HEMK2: variants seen among roughly 807,000 people sequenced by gnomAD.
The protein encoded by HEMK2 is HemK methyltransferase 2, ETF1 glutamine and histone H4 lysine.
chr21:28,780,074 T>C, the HEMK2 span, among the ~76,000 whole-genome samples: 1 of 152,196 alleles, frequency 6.6e-6, no homozygotes, highest in Non-Finnish European at 1.5e-5. Context: ...AAAGACTGGA[T>C]TCCCATTGCA....
chr21:28,620,652 TCTC>T, the HEMK2 span, among the ~76,000 whole-genome samples: 6 of 139,266 alleles, frequency 4.3e-5, no homozygotes, highest in Non-Finnish European at 7.6e-5. Context: ...GTGATTCTTC[TCTC>T]TTTTCTTTTT....
the HEMK2 span, among the ~76,000 whole-genome samples, chr21:28,821,836 G>T: frequency 2.6e-5 from 4 of 152,160 alleles, no homozygotes; most frequent in African/African-American, 4.8e-5. Context: ...TAATTTAGAA[G>T]GTTTTTTTAC....
chr21:28,695,513 C>T, the HEMK2 span, among the ~76,000 whole-genome samples: 1 of 152,160 alleles, frequency 6.6e-6, no homozygotes, highest in Non-Finnish European at 1.5e-5. Flanking sequence ...TCATGTCTTA[C>T]ATGGAAGCAG....
the HEMK2 span, among the ~76,000 whole-genome samples, chr21:28,783,167 A>G: frequency 7.2e-5 from 11 of 152,146 alleles, no homozygotes; most frequent in Non-Finnish European, 1.5e-4. Context: ...TTTCTTAAAC[A>G]CCTTATACGC....
the HEMK2 span, among the ~76,000 whole-genome samples, chr21:28,627,310 GT>G: frequency 1.3e-5 from 2 of 152,172 alleles, no homozygotes; most frequent in Non-Finnish European, 2.9e-5. Flanking sequence ...GCATACATTT[GT>G]CAAAACTTAC....
chr21:28,742,656 A>C, the HEMK2 span, among the ~76,000 whole-genome samples: 1 of 152,094 alleles, frequency 6.6e-6, no homozygotes, highest in Non-Finnish European at 1.5e-5. Flanking sequence ...TAAAGATTCC[A>C]ATAACTTGCC....
chr21:28,878,292 T>G, the HEMK2 span: 2 of 1,613,090 alleles, frequency 1.2e-6, no homozygotes, highest in African/African-American at 2.7e-5. Flanking sequence ...CCCGACCATT[T>G]CTGCCACCAG....
chr21:28,843,302 C>A, the HEMK2 span, among the ~76,000 whole-genome samples: 1 of 152,188 alleles, frequency 6.6e-6, no homozygotes, highest in East Asian at 1.9e-4. Flanking sequence ...AGGAAACTTA[C>A]AATCATGGCA....
At chr21:28,707,754 G>A in the HEMK2 span, among the ~76,000 whole-genome samples, 7 of 151,882 alleles carry the variant, frequency 4.6e-5, no homozygotes, top group African/African-American at 1.7e-4. Context: ...TAAGTCAAAT[G>A]TATTCATTAA....
the HEMK2 span, among the ~76,000 whole-genome samples, chr21:28,675,857 T>C: frequency 1.3e-5 from 2 of 152,222 alleles, no homozygotes; most frequent in African/African-American, 4.8e-5. Flanking sequence ...ATGTTGCATC[T>C]GTGTTAGCTC....
the HEMK2 span, among the ~76,000 whole-genome samples, chr21:28,806,236 C>G: frequency 1.3e-5 from 2 of 152,150 alleles, no homozygotes; most frequent in African/African-American, 4.8e-5. Flanking sequence ...GTTGTCACGA[C>G]AGATAATTAT....
At chr21:28,590,631 A>G in the HEMK2 span, among the ~76,000 whole-genome samples, 4 of 152,342 alleles carry the variant, frequency 2.6e-5, no homozygotes, top group South Asian at 8.3e-4. Flanking sequence ...TTAAATTGTT[A>G]AAGATTTGTG....
At chr21:28,683,610 G>T in the HEMK2 span, among the ~76,000 whole-genome samples, 1 of 152,096 alleles carries the variant, frequency 6.6e-6, no homozygotes, top group Non-Finnish European at 1.5e-5. Context: ...ACATTGTGAT[G>T]ATGCACGTTC....
chr21:28,603,547 A>ATGTG, the HEMK2 span, among the ~76,000 whole-genome samples: 37 of 80,836 alleles, frequency 4.6e-4, no homozygotes, highest in South Asian at 8.7e-4. Flanking sequence ...CTGAGGATAT[A>ATGTG]TATGTGTGTG....
At chr21:28,863,001 C>G in the HEMK2 span, among the ~76,000 whole-genome samples, 9 of 151,996 alleles carry the variant, frequency 5.9e-5, no homozygotes, top group Non-Finnish European at 4.4e-5. Flanking sequence ...TGTATAGGCT[C>G]AAGTTGACAA....
chr21:28,781,411 G>A, the HEMK2 span, among the ~76,000 whole-genome samples: 3 of 152,078 alleles, frequency 2.0e-5, no homozygotes, highest in African/African-American at 7.2e-5. Context: ...ATGACGCCAT[G>A]CCAGAGTTCC....
At chr21:28,789,818 ACTGATAGCTC>A in the HEMK2 span, among the ~76,000 whole-genome samples, 1 of 152,222 alleles carries the variant, frequency 6.6e-6, no homozygotes, top group Admixed American at 6.5e-5. Flanking sequence ...AGGGCTAGTA[ACTGATAGCTC>A]CTGAGCAACT....
the HEMK2 span, among the ~76,000 whole-genome samples, chr21:28,684,823 G>A: frequency 0.34 from 51,334 of 152,082 alleles, 10,064 homozygotes; most frequent in African/African-American, 0.53. Flanking sequence ...AAGTACCTGT[G>A]AGATCAGCTC....
At chr21:28,650,419 T>C in the HEMK2 span, among the ~76,000 whole-genome samples, 2 of 151,722 alleles carry the variant, frequency 1.3e-5, no homozygotes, top group African/African-American at 4.8e-5. Flanking sequence ...CATGGTCCGT[T>C]TAATATTGGA....
Sources: gnomAD v4.1 joint callset for allele counts (sites outside exome capture counted in the v4.1 genomes callset) on GRCh38, gnomAD v4.1.1 for gene constraint, MANE v1.5 for transcripts, NCBI Gene and HGNC (gene_info 2026-07-23, HGNC 2026-07-21) for gene names.